AMMECR1: variants seen among roughly 807,000 people sequenced by gnomAD.
AMMECR1 encodes the protein nuclear protein AMMECR1.
Under a neutral mutation model 22.5 loss-of-function variants are expected in AMMECR1, and 3 were observed. The observed-to-expected ratio is 0.13, with a 90% CI of 0.06 to 0.35. AMMECR1 has a LOEUF of 0.35. AMMECR1 is among the 10% of genes least tolerant of loss of function. AMMECR1 has a pLI of 1.00. For synonymous variants in AMMECR1, 130 were observed against 116.7 expected (o/e 1.11, Z -0.74); for missense variants, 235 against 278.7 (o/e 0.84, Z 1.12).
In AMMECR1 at chrX:110,296,649, T is replaced by A. The variant is rs2067937563; in HGVS notation, c.473+20950A>T. 2.7e-5 allele frequency among the ~76,000 whole-genome samples: 3 copies of A among 111,566 alleles called. No individual in the cohort carries two copies. The South Asian group carries it at 1.1e-3, about 41-fold the overall frequency. On this transcript the variant is annotated intron_variant, in intron 1 of 5. Transcript: ENST00000262844. ...TCAGCTCAAATCCGTTGATGAACCC[T>A]TTTAATAATTTTTTTAATTTCATCT...
intron 2 of AMMECR1, among the ~76,000 whole-genome samples, chrX:110,408,845 A>G (rs2068621164): frequency 1.8e-5 from 2 of 112,728 alleles, no homozygotes; most frequent in Admixed American, 1.9e-4. Context: ...TTTATTATGT[A>G]TTGCTTTATT....
chrX:110,362,832 A>G (rs2068273089), intron 2 of AMMECR1, among the ~76,000 whole-genome samples: 1 of 112,053 alleles, frequency 8.9e-6, no homozygotes. Flanking sequence ...CATTTACCAA[A>G]CATTCACTAC....
rs748070030 is a variant in AMMECR1, at chrX:110,433,190, G to A, written c.-293-6387C>T. Among the ~76,000 whole-genome samples, 26 of 112,639 alleles carry A rather than the reference G, an allele frequency of 2.3e-4. 1 individual carries two copies. The East Asian group carries it at 3.6e-3, about 16-fold the overall frequency. On this transcript the variant is annotated intron_variant, in intron 1 of 7. Coordinates refer to the AMMECR1 transcript ENST00000372057. The stretch of plus-strand genomic sequence containing the variant: ...CCAGGACCCTCAAGCCGAGCCTGAC[G>A]TCACATAGTTGATTGAGTACCTGCT...
At position 110,264,515 on chromosome X, in the gene AMMECR1, T is replaced by A. The variant is rs1167176358; in HGVS notation, c.558A>T (p.Ser186=). 8.3e-7 allele frequency: 1 copy of A among 1,206,263 alleles called. No individual in the cohort carries two copies. Among genetic ancestry groups the A allele is most frequent in the South Asian group, 1.8e-5 (1 of 56,342 alleles). The change falls in exon 2 of 6, where the codon TCA becomes TCT. Residue 186 remains serine (S), a synonymous_variant. Coordinates refer to ENST00000262844, the MANE Select transcript of AMMECR1 (RefSeq NM_015365.3). ...IGTFSAMNLH[S]GLREYTLTSA... Reference sequence around the variant, plus strand: ...TGGTAAGTGTGTACTCCCTGAGTCCTGAATGCAAATTCATGGCAGAAAAAG... The same window carrying A: ...TGGTAAGTGTGTACTCCCTGAGTCCAGAATGCAAATTCATGGCAGAAAAAG...
Position 110,374,148 on chromosome X carries a change from A to G in AMMECR1, c.-148+52510T>C, listed in dbSNP as rs759245524. On this transcript the variant is annotated intron_variant, in intron 2 of 7. Coordinates refer to the AMMECR1 transcript ENST00000372057. The stretch of plus-strand genomic sequence containing the variant: ...TGAACAGGACATGAGTCCTGAGATT[A>G]AAACCATGTACCTAGTTCTAAGCAG... Among the ~76,000 whole-genome samples the G allele has an allele frequency of 6.2e-5, 7 of 112,233 alleles. No individual in the cohort carries two copies. The South Asian group carries it at 2.2e-3, about 36-fold the overall frequency.
chrX:110,383,167 C>A (rs894180729), intron 2 of AMMECR1, among the ~76,000 whole-genome samples: 2 of 111,649 alleles, frequency 1.8e-5, no homozygotes, highest in Admixed American at 9.5e-5. Flanking sequence ...TTGCACCCAA[C>A]CTGATGGTAG....
intron 2 of AMMECR1, among the ~76,000 whole-genome samples, chrX:110,409,334 A>C (rs781279816): frequency 1.2e-4 from 13 of 111,325 alleles, no homozygotes; most frequent in Non-Finnish European, 2.3e-4. Context: ...TCTTATCTTG[A>C]GACATGCTGG....
chrX:110,197,122 T>G lies in AMMECR1; in HGVS notation c.*1398A>C, dbSNP rs2067374558. 2 of 112,324 alleles carry G rather than the reference T, an allele frequency of 1.8e-5. No individual in the cohort carries two copies. The highest frequency in any genetic ancestry group is 6.5e-5 in the African/African-American group (2 of 30,918). 9.3% of individuals were successfully genotyped at this position (112,324 alleles called of 1,213,427 possible). On this transcript the variant is annotated 3_prime_UTR_variant, in exon 6 of 6. Transcript: ENST00000262844. ...TATCGACATCAGTAAGTTATCTTTG[T>G]ATGCATCATGGGAAGACTATACTTG...
chrX:110,385,295 T>A (rs2068447442), intron 2 of AMMECR1, among the ~76,000 whole-genome samples: 2 of 112,017 alleles, frequency 1.8e-5, no homozygotes, highest in African/African-American at 6.5e-5. Flanking sequence ...TGGCACATAG[T>A]AGGTGCTATA....
chrX:110,429,473 T>G (rs766131110), intron 1 of AMMECR1, among the ~76,000 whole-genome samples: 3,075 of 81,326 alleles, frequency 0.038, 60 homozygotes, highest in African/African-American at 0.13. Context: ...TTTTTTTTTT[T>G]GTTTTGTTTT....
chrX:110,269,327 C>T (rs2067786276), intron 1 of AMMECR1, among the ~76,000 whole-genome samples: 1 of 111,719 alleles, frequency 9.0e-6, no homozygotes, highest in Non-Finnish European at 1.9e-5. Flanking sequence ...TTACCTTAAA[C>T]CCTATCTCTC....
chrX:110,383,824 A>T (rs768388197), intron 2 of AMMECR1, among the ~76,000 whole-genome samples: 29 of 111,835 alleles, frequency 2.6e-4, no homozygotes, highest in Middle Eastern at 4.6e-3. Flanking sequence ...CATCCTTATC[A>T]TGGCAAAACA....
intron 2 of AMMECR1, among the ~76,000 whole-genome samples, chrX:110,229,936 G>A (rs971923768): frequency 8.9e-5 from 10 of 112,905 alleles, no homozygotes; most frequent in Non-Finnish European, 1.9e-5. Flanking sequence ...TCTGCGAGGC[G>A]GCAGCCTGGC....
At chrX:110,214,131 T>C (rs1367989607) in intron 3 of AMMECR1, among the ~76,000 whole-genome samples, 3 of 109,885 alleles carry the variant, frequency 2.7e-5, no homozygotes, top group African/African-American at 9.9e-5. Context: ...GTCATAGTGG[T>C]GGGCGCCTGT....
intron 2 of AMMECR1, among the ~76,000 whole-genome samples, chrX:110,354,315 G>A (rs2068222090): frequency 9.0e-6 from 1 of 111,618 alleles, no homozygotes; most frequent in African/African-American, 3.3e-5. Context: ...ACCAACTGTG[G>A]ATCAAAAATA....
chrX:110,347,300 C>T (rs1399236389), intron 2 of AMMECR1, among the ~76,000 whole-genome samples: 1 of 112,805 alleles, frequency 8.9e-6, no homozygotes, highest in East Asian at 2.8e-4. Context: ...CCCCTTTCTT[C>T]GAAATGCTGT....
intron 1 of AMMECR1, among the ~76,000 whole-genome samples, chrX:110,439,420 G>T (rs1471994549): frequency 8.9e-6 from 1 of 112,216 alleles, no homozygotes; most frequent in Non-Finnish European, 1.9e-5. Flanking sequence ...TTACCATGGA[G>T]GAGTTTCTAG....
intron 2 of AMMECR1, among the ~76,000 whole-genome samples, chrX:110,418,635 G>A (rs757489489): frequency 4.5e-5 from 5 of 111,532 alleles, no homozygotes; most frequent in African/African-American, 1.3e-4. Context: ...AAACTGCCAC[G>A]GTCTCCAACC....
intron 2 of AMMECR1, among the ~76,000 whole-genome samples, chrX:110,345,029 T>C (rs1183174182): frequency 8.9e-6 from 1 of 112,153 alleles, no homozygotes; most frequent in African/African-American, 3.2e-5. Flanking sequence ...CATGCTGCTA[T>C]AAAGACACAT....
Sources: allele counts gnomAD v4.1 joint callset (sites outside exome capture counted in the v4.1 genomes callset), GRCh38; gene constraint gnomAD v4.1.1; transcripts MANE v1.5; gene names NCBI Gene and HGNC (gene_info 2026-07-23, HGNC 2026-07-21).